PRKCA: variants seen among roughly 807,000 people sequenced by gnomAD.
PRKCA encodes protein kinase C alpha, also known as protein kinase C alpha type.
Under a neutral mutation model 87.0 loss-of-function variants are expected in PRKCA, and 27 were observed. The ratio of observed to expected loss-of-function variants is 0.31; its 90% CI spans 0.23 to 0.43. The LOEUF (loss-of-function observed/expected upper bound fraction) is 0.43. Ranked by LOEUF, PRKCA falls within the 20% of genes least tolerant of loss-of-function variation. The pLI, the probability that PRKCA is intolerant of heterozygous loss-of-function variation, is 1.00. For synonymous variants in PRKCA, 329 were observed against 311.1 expected (o/e 1.06, Z -0.61); for missense variants, 518 against 852.3 (o/e 0.61, Z 4.88).
At chr17:66,613,394 C>T (rs911613923) in intron 3 of PRKCA, among the ~76,000 whole-genome samples, 3 of 151,732 alleles carry the variant, frequency 2.0e-5, no homozygotes, top group African/African-American at 4.9e-5. Flanking sequence ...TTAATCAGTG[C>T]TCTTTGCTAC....
chr17:66,444,770 T>C (rs1284450582), intron 2 of PRKCA, among the ~76,000 whole-genome samples: 2 of 152,196 alleles, frequency 1.3e-5, no homozygotes, highest in African/African-American at 4.8e-5. Context: ...GAATTATTTG[T>C]CAAAAGATAC....
chr17:66,403,430 A>G (rs1911155077), intron 2 of PRKCA, among the ~76,000 whole-genome samples: 1 of 152,174 alleles, frequency 6.6e-6, no homozygotes, highest in African/African-American at 2.4e-5. Context: ...GCAGATAGAA[A>G]CCTGCAGCTC....
intron 3 of PRKCA, among the ~76,000 whole-genome samples, chr17:66,577,305 C>T (rs1236653834): frequency 6.6e-6 from 1 of 152,200 alleles, no homozygotes; most frequent in Non-Finnish European, 1.5e-5. Context: ...GCATCCCTCT[C>T]TCACATTGGT....
intron 5 of PRKCA, among the ~76,000 whole-genome samples, chr17:66,662,682 C>A (rs114391677): frequency 6.7e-6 from 1 of 149,784 alleles, no homozygotes; most frequent in Non-Finnish European, 1.5e-5. Context: ...TGATTGTGGT[C>A]GAGATAAGAG....
intron 14 of PRKCA, chr17:66,777,467 C>T (rs1049541796): frequency 5.2e-5 from 50 of 956,918 alleles, no homozygotes; most frequent in Non-Finnish European, 3.2e-5. Context: ...AGGCCAAATA[C>T]GTCCGGGTGT....
chr17:66,366,338 C>T (rs779543915), intron 2 of PRKCA, among the ~76,000 whole-genome samples: 2 of 152,100 alleles, frequency 1.3e-5, no homozygotes, highest in African/African-American at 2.4e-5. Flanking sequence ...CTTTTTTACA[C>T]CATTTTCTGA....
intron 2 of PRKCA, among the ~76,000 whole-genome samples, chr17:66,422,409 T>C (rs1912544637): frequency 6.6e-6 from 1 of 152,318 alleles, no homozygotes; most frequent in Admixed American, 6.5e-5. Context: ...TAAAACTGTA[T>C]CCCTAGCACC....
chr17:66,377,888 T>C (rs1325200569), intron 2 of PRKCA, among the ~76,000 whole-genome samples: 1 of 151,642 alleles, frequency 6.6e-6, no homozygotes, highest in Non-Finnish European at 1.5e-5. Flanking sequence ...CCCAAAGTAC[T>C]GGGATTAGGC....
intron 15 of PRKCA, 92 bp downstream of exon 15, chr17:66,787,066 C>A: frequency 1.0e-6 from 1 of 1,001,946 alleles, no homozygotes; most frequent in Non-Finnish European, 1.6e-6. Context: ...ATGGCAGAAA[C>A]ACCACAAACC....
In PRKCA at chr17:66,641,431, T is replaced by A. The variant is rs201664310; in HGVS notation, c.365T>A (p.Leu122His). ...TTCTGCGATCACTGTGGGTCACTGCTCTATGGACTTATCCATCAAGGGATG... is the reference window on the plus strand; with the variant it reads ...TTCTGCGATCACTGTGGGTCACTGCACTATGGACTTATCCATCAAGGGATG... ...PTFCDHCGSL[L>H]YGLIHQGMKC... The change falls in exon 4 of 17, where the codon CTC becomes CAC. Residue 122 changes from leucine (L) to histidine (H), a missense_variant. Leu to His is a moderately conservative substitution (Grantham distance 99, BLOSUM62 -3). Coordinates refer to ENST00000413366, the MANE Select transcript of PRKCA (RefSeq NM_002737.3). 1 of 1,610,526 alleles carries A rather than the reference T, an allele frequency of 6.2e-7. No individual in the cohort carries two copies. Among genetic ancestry groups the A allele is most frequent in the East Asian group, 2.2e-5 (1 of 44,770 alleles).
chr17:66,609,086 G>A (rs541796371), intron 3 of PRKCA, among the ~76,000 whole-genome samples: 1 of 152,252 alleles, frequency 6.6e-6, no homozygotes, highest in African/African-American at 2.4e-5. Flanking sequence ...ACTCCTCATG[G>A]CCTCCTCAGA....
chr17:66,408,873 G>T (rs944271752), intron 2 of PRKCA, among the ~76,000 whole-genome samples: 8 of 151,718 alleles, frequency 5.3e-5, no homozygotes, highest in African/African-American at 1.9e-4. Flanking sequence ...CCAACACGAT[G>T]AAACCCTGTC....
At chr17:66,310,980 AT>A (rs1325095645) in intron 2 of PRKCA, among the ~76,000 whole-genome samples, 1 of 152,116 alleles carries the variant, frequency 6.6e-6, no homozygotes, top group Non-Finnish European at 1.5e-5. Flanking sequence ...TGTCCTCCCT[AT>A]GTACTGCATT....
At chr17:66,446,304 AG>A (rs1914034879) in intron 2 of PRKCA, among the ~76,000 whole-genome samples, 1 of 152,080 alleles carries the variant, frequency 6.6e-6, no homozygotes. Context: ...AGACCACAGG[AG>A]CTGTGGAGAC....
At chr17:66,503,240 TG>T (rs532498893) in intron 3 of PRKCA, among the ~76,000 whole-genome samples, 6 of 152,302 alleles carry the variant, frequency 3.9e-5, no homozygotes, top group Non-Finnish European at 8.8e-5. Flanking sequence ...CCAGTGACTC[TG>T]GCTTCTCTGG....
At chr17:66,557,173 ATTGT>A (rs1233429988) in intron 3 of PRKCA, among the ~76,000 whole-genome samples, 1 of 152,060 alleles carries the variant, frequency 6.6e-6, no homozygotes, top group Non-Finnish European at 1.5e-5. Context: ...AATTTATGTG[ATTGT>A]TTTCTCATTT....
rs983798093 is a variant in PRKCA at position 66,741,198 on chromosome 17, G to A, written c.1323-461G>A. On this transcript the variant is annotated intron_variant, in intron 11 of 16. Transcript: ENST00000413366. ...TCAGATATGAATCTCTCCAACACTC[G>A]CAAGGAATGAAAACACTAGCTAAAG... 3.3e-5 allele frequency among the ~76,000 whole-genome samples: 5 copies of A among 152,136 alleles called. No homozygotes were observed. In the East Asian group the frequency reaches 5.8e-4, roughly 18 times the overall value.
chr17:66,673,665 G>A (rs1972251134), intron 5 of PRKCA, among the ~76,000 whole-genome samples: 1 of 152,172 alleles, frequency 6.6e-6, no homozygotes, highest in South Asian at 2.1e-4. Context: ...CAAATGCAGT[G>A]AACTAGACAG....
chr17:66,798,296 A>G (rs570991929), intron 16 of PRKCA, among the ~76,000 whole-genome samples: 1 of 151,656 alleles, frequency 6.6e-6, no homozygotes, highest in East Asian at 1.9e-4. Flanking sequence ...CACATTAGGA[A>G]TGCAGTACCT....
Sources: gnomAD v4.1 joint callset for allele counts (sites outside exome capture counted in the v4.1 genomes callset) on GRCh38, gnomAD v4.1.1 for gene constraint, MANE v1.5 for transcripts, NCBI Gene and HGNC (gene_info 2026-07-23, HGNC 2026-07-21) for gene names.